Variants in NAA11 observed in about 807,000 individuals in gnomAD.
NAA11 encodes the protein N-alpha-acetyltransferase 11, NatA catalytic subunit, also known as N-alpha-acetyltransferase 11.
Under a neutral mutation model 16.1 loss-of-function variants are expected in NAA11, and 15 were observed. That is an observed-to-expected ratio of 0.93 (90% CI 0.62 to 1.44). The LOEUF is 1.44. NAA11 is among the 40% of genes most tolerant of loss of function. NAA11 has a pLI of 0.00. For missense variants in NAA11, 298 were observed against 291.3 expected (o/e 1.02, Z -0.17); for synonymous variants, 122 against 112.4 (o/e 1.09, Z -0.54).
At chr4:79,314,641 T>TAAAAAAAAAAAAAAAAAAAAAAA (rs375245497), downstream of NAA11, among the ~76,000 whole-genome samples, 18 of 98,056 alleles carry the variant, frequency 1.8e-4, no homozygotes, top group African/African-American at 3.7e-4. Flanking sequence ...TCCTTAAAAT[T>TAAAAAAAAAAAAAAAAAAAAAAA]AAAAAAAAAA....
At chr4:79,172,657 C>T in the NAA11 span, among the ~76,000 whole-genome samples, 1 of 152,060 alleles carries the variant, frequency 6.6e-6, no homozygotes, top group African/African-American at 2.4e-5. Context: ...GCAAAGGTTA[C>T]CAAAATTACC....
the NAA11 span, among the ~76,000 whole-genome samples, chr4:79,186,125 G>A: frequency 3.3e-5 from 5 of 152,210 alleles, no homozygotes; most frequent in South Asian, 1.0e-3. Context: ...GTCAGTTGCT[G>A]TTCAGAAAAC....
downstream of NAA11, among the ~76,000 whole-genome samples, chr4:79,224,173 C>A (rs544356028): frequency 6.6e-6 from 1 of 152,034 alleles, no homozygotes; most frequent in Non-Finnish European, 1.5e-5. Flanking sequence ...AGAGGTAAAG[C>A]ATGTTCAGCA....
At chr4:79,173,224 A>C in the NAA11 span, among the ~76,000 whole-genome samples, 1 of 152,138 alleles carries the variant, frequency 6.6e-6, no homozygotes, top group Non-Finnish European at 1.5e-5. Context: ...ATAGTGGGAC[A>C]GGAAGCGTCA....
At chr4:79,276,167 C>T (rs1488143448) in intron 2 of NAA11, among the ~76,000 whole-genome samples, 2 of 152,048 alleles carry the variant, frequency 1.3e-5, no homozygotes, top group African/African-American at 4.8e-5. Flanking sequence ...ATAAGAATGA[C>T]TTTTGAATCT....
chr4:79,243,443 TC>T (rs775194226), intron 2 of NAA11, among the ~76,000 whole-genome samples: 26 of 152,218 alleles, frequency 1.7e-4, no homozygotes, highest in Non-Finnish European at 3.5e-4. Context: ...AGTAATTGAA[TC>T]TTTCAAATTA....
At chr4:79,284,139 A>G (rs1380593171) in intron 2 of NAA11, among the ~76,000 whole-genome samples, 1 of 152,112 alleles carries the variant, frequency 6.6e-6, no homozygotes, top group Non-Finnish European at 1.5e-5. Flanking sequence ...CAACAGCCCT[A>G]AGGCAGCAAA....
intron 1 of NAA11, among the ~76,000 whole-genome samples, chr4:79,300,045 G>A (rs182473977): frequency 2.3e-4 from 35 of 152,260 alleles, no homozygotes; most frequent in Middle Eastern, 6.8e-3. Flanking sequence ...TATAATACTA[G>A]TGGCAATCTG....
intron 2 of NAA11, among the ~76,000 whole-genome samples, chr4:79,233,105 T>G (rs373297959): frequency 6.6e-6 from 1 of 151,304 alleles, no homozygotes; most frequent in African/African-American, 2.4e-5. Context: ...ATTAGCTAAG[T>G]TTTTTTTTCC....
At chr4:79,291,307 G>A (rs1473399064) in intron 2 of NAA11, among the ~76,000 whole-genome samples, 5 of 149,116 alleles carry the variant, frequency 3.4e-5, no homozygotes, top group Admixed American at 6.7e-5. Flanking sequence ...ACAAAAAAAC[G>A]AAAAAATCAG....
intron 2 of NAA11, among the ~76,000 whole-genome samples, chr4:79,276,457 G>A (rs931063834): frequency 1.3e-4 from 20 of 152,096 alleles, no homozygotes; most frequent in Non-Finnish European, 1.5e-4. Context: ...AGCCCGTGAG[G>A]GCCATCCAGC....
At chr4:79,253,395 A>G (rs1434080321) in intron 2 of NAA11, among the ~76,000 whole-genome samples, 1 of 152,234 alleles carries the variant, frequency 6.6e-6, no homozygotes, top group African/African-American at 2.4e-5. Context: ...CCATTGGACA[A>G]GATTAGATGA....
At chr4:79,208,827 A>T in the NAA11 span, among the ~76,000 whole-genome samples, 1 of 148,672 alleles carries the variant, frequency 6.7e-6, no homozygotes, top group African/African-American at 2.4e-5. Context: ...AATAATTTGG[A>T]TTTGGTTCAA....
At chr4:79,188,910 C>T in the NAA11 span, among the ~76,000 whole-genome samples, 1 of 151,982 alleles carries the variant, frequency 6.6e-6, no homozygotes, top group African/African-American at 2.4e-5. Flanking sequence ...CCCTGGGGAT[C>T]ACCAACAGTG....
At chr4:79,227,961 C>T (rs1029656433) in intron 2 of NAA11, 1 of 151,842 alleles carries the variant, frequency 6.6e-6, no homozygotes, top group African/African-American at 2.4e-5. Flanking sequence ...ATTTGAAGTC[C>T]AGAAGTCTTC....
In NAA11 at chr4:79,325,676, G is replaced by C. The variant is rs751267835; in HGVS notation, c.202C>G (p.Pro68Ala). Residue 68 changes from proline to alanine, a missense_variant, in exon 1 of 2, where the codon CCG becomes GCG. Coordinates refer to ENST00000286794, the MANE Select transcript of NAA11 (RefSeq NM_032693.3). The part of the protein sequence containing the change: ...AKMEEEPDDV[P>A]HGHITSLAVK... The stretch of plus-strand genomic sequence containing the variant: ...GCCAGTGAGGTGATATGGCCATGCG[G>C]GACATCATCTGGTTCCTCCTCCATT... 7 of 1,613,992 alleles carry C rather than the reference G, an allele frequency of 4.3e-6. No homozygotes were observed. In the South Asian group the frequency reaches 7.7e-5, roughly 18 times the overall value.
intron 2 of NAA11, among the ~76,000 whole-genome samples, chr4:79,249,301 A>G (rs1239604422): frequency 6.6e-6 from 1 of 152,266 alleles, no homozygotes; most frequent in Non-Finnish European, 1.5e-5. Flanking sequence ...AATTCAGAAT[A>G]TGGATAGGAA....
intron 1 of NAA11, among the ~76,000 whole-genome samples, chr4:79,297,387 G>A (rs984486657): frequency 6.6e-6 from 1 of 152,194 alleles, no homozygotes; most frequent in Non-Finnish European, 1.5e-5. Context: ...AGATTGTGAG[G>A]AGGTGCAGCT....
At chr4:79,188,261 A>T in the NAA11 span, among the ~76,000 whole-genome samples, 2 of 152,058 alleles carry the variant, frequency 1.3e-5, no homozygotes, top group Non-Finnish European at 2.9e-5. Flanking sequence ...GGCAGGGAGG[A>T]TGTAAAAAGA....
Sources: allele counts gnomAD v4.1 joint callset (sites outside exome capture counted in the v4.1 genomes callset), GRCh38; gene constraint gnomAD v4.1.1; transcripts MANE v1.5; gene names NCBI Gene and HGNC (gene_info 2026-07-23, HGNC 2026-07-21).